MCU: variants seen among roughly 807,000 people sequenced by gnomAD.
MCU encodes the protein calcium uniporter protein, mitochondrial.
MCU carries 12 observed loss-of-function variants against 45.2 expected under a neutral mutation model. The ratio of observed to expected loss-of-function variants is 0.27; its 90% CI spans 0.17 to 0.43. The LOEUF (loss-of-function observed/expected upper bound fraction) is 0.43, where lower values mean the gene tolerates loss of function less well. MCU is among the 20% of genes least tolerant of loss of function. The probability of loss-of-function intolerance (pLI) is 1.00; values close to 1 mark genes in which losing one functional copy is unlikely to be tolerated. For missense variants in MCU, 324 were observed against 436.7 expected, an observed-to-expected ratio of 0.74 and a Z score of 2.30; for synonymous variants, 160 against 165.1, an observed-to-expected ratio of 0.97 and a Z score of 0.24.
chr10:72,774,715 A>C (rs1306660252), intron 1 of MCU, among the ~76,000 whole-genome samples: 2 of 152,186 alleles, frequency 1.3e-5, no homozygotes, highest in East Asian at 3.8e-4. Flanking sequence ...CATTCCATGC[A>C]ACTGGAAACC....
chr10:72,704,018 A>C (rs1842788989), intron 1 of MCU, among the ~76,000 whole-genome samples: 1 of 152,204 alleles, frequency 6.6e-6, no homozygotes, highest in Admixed American at 6.5e-5. Context: ...TTGAGACCTA[A>C]ATTGATTTTA....
chr10:72,726,990 A>T (rs113919376), intron 1 of MCU, among the ~76,000 whole-genome samples: 2,059 of 152,338 alleles, frequency 0.014, 37 homozygotes, highest in African/African-American at 0.047. Context: ...ATTCTAATAG[A>T]CTAGAAGGTA....
intron 2 of MCU, among the ~76,000 whole-genome samples, chr10:72,836,092 G>A (rs1844952026): frequency 6.6e-6 from 1 of 151,834 alleles, no homozygotes; most frequent in African/African-American, 2.4e-5. Context: ...CATTACCACT[G>A]CAGGGTGCCA....
intron 1 of MCU, among the ~76,000 whole-genome samples, chr10:72,743,377 C>T (rs922422881): frequency 3.6e-5 from 5 of 137,132 alleles, no homozygotes; most frequent in African/African-American, 1.1e-4. Context: ...TGTGCCACTA[C>T]ACTCCAGCCT....
At chr10:72,881,628 G>T (rs1422084407) in intron 6 of MCU, among the ~76,000 whole-genome samples, 1 of 152,122 alleles carries the variant, frequency 6.6e-6, no homozygotes, top group Non-Finnish European at 1.5e-5. Flanking sequence ...ACCCTACAAA[G>T]GATCTATATC....
At chr10:72,859,487 C>T in intron 3 of MCU, 140 bp downstream of exon 3, 1 of 652,502 alleles carries the variant, frequency 1.5e-6, no homozygotes, top group African/African-American at 1.8e-5. Flanking sequence ...TTTTGCTTAG[C>T]ACTTACCAGG....
intron 1 of MCU, among the ~76,000 whole-genome samples, chr10:72,777,127 T>TTGA (rs1843907174): frequency 1.3e-5 from 2 of 152,170 alleles, no homozygotes; most frequent in Admixed American, 1.3e-4. Context: ...ACAGTACTAC[T>TTGA]TGATGTAATT....
intron 1 of MCU, among the ~76,000 whole-genome samples, chr10:72,722,948 G>A (rs1843043963): frequency 6.6e-6 from 1 of 152,172 alleles, no homozygotes; most frequent in Admixed American, 6.6e-5. Context: ...TGTAATCCCA[G>A]CACTTTGGGA....
chr10:72,702,233 A>T (rs1266713092), intron 1 of MCU, among the ~76,000 whole-genome samples: 2 of 151,754 alleles, frequency 1.3e-5, no homozygotes, highest in Non-Finnish European at 2.9e-5. Context: ...CCTGGGCGAC[A>T]GAGCAAAACT....
intron 1 of MCU, among the ~76,000 whole-genome samples, chr10:72,804,253 A>T (rs1468264817): frequency 2.7e-5 from 4 of 150,134 alleles, no homozygotes; most frequent in South Asian, 4.2e-4. Context: ...TATCTGGCAA[A>T]TTTTTTTGTA....
intron 1 of MCU, among the ~76,000 whole-genome samples, chr10:72,795,855 G>A (rs979729038): frequency 5.3e-5 from 8 of 151,902 alleles, no homozygotes; most frequent in Non-Finnish European, 8.8e-5. Flanking sequence ...AAAATTAGCC[G>A]GGTGTGGTGG....
At chr10:72,792,443 G>A (rs1190325602) in intron 1 of MCU, among the ~76,000 whole-genome samples, 1 of 152,132 alleles carries the variant, frequency 6.6e-6, no homozygotes, top group African/African-American at 2.4e-5. Context: ...TCCTGGGGAT[G>A]ACTCCCTCCA....
intron 1 of MCU, among the ~76,000 whole-genome samples, chr10:72,758,417 AT>A (rs1165315048): frequency 2.0e-5 from 3 of 152,228 alleles, no homozygotes; most frequent in Non-Finnish European, 4.4e-5. Flanking sequence ...CCTCTGTGCT[AT>A]ATCATGTCCA....
intron 1 of MCU, chr10:72,766,951 T>G (rs1184001060): frequency 6.6e-6 from 1 of 152,202 alleles, no homozygotes; most frequent in Non-Finnish European, 1.5e-5. Context: ...TAAAATCAAC[T>G]TTAACGAATT....
chr10:72,817,161 A>G lies in MCU; in HGVS notation c.151-17198A>G, dbSNP rs557120234. ...ATAAGACCTCTATATTGTAAAGCAA[A>G]TACCCTATATCTATGTATATTTCAA... On this transcript the variant is annotated intron_variant, in intron 1 of 7. Transcript: ENST00000373053. 7.2e-5 allele frequency among the ~76,000 whole-genome samples: 11 copies of G among 152,294 alleles called. 1 individual carries two copies. The South Asian group carries it at 2.3e-3, about 32-fold the overall frequency.
At chr10:72,720,664 TCTA>T (rs1261707135) in intron 1 of MCU, among the ~76,000 whole-genome samples, 1 of 152,228 alleles carries the variant, frequency 6.6e-6, no homozygotes, top group Non-Finnish European at 1.5e-5. Flanking sequence ...TTGTGTTGAA[TCTA>T]TCTTTTTATA....
At chr10:72,704,713 T>C (rs1346003692) in intron 1 of MCU, among the ~76,000 whole-genome samples, 7 of 138,592 alleles carry the variant, frequency 5.1e-5, no homozygotes, top group Non-Finnish European at 7.8e-5. Context: ...AATTTTTTTT[T>C]TTTTTTTTTT....
Position 72,886,635 on chromosome 10 carries a change from A to G in MCU, c.*813A>G, listed in dbSNP as rs1302762394. Reference sequence around the variant, plus strand: ...CCTCTCCCTCCAGAACACAAATCAGAGGGAAAGGGGGTGTTCAGCTGTACT... The same window carrying G: ...CCTCTCCCTCCAGAACACAAATCAGGGGGAAAGGGGGTGTTCAGCTGTACT... On this transcript the variant is annotated 3_prime_UTR_variant, in exon 8 of 8. Transcript: ENST00000373053. 2 of 152,274 alleles carry G rather than the reference A, an allele frequency of 1.3e-5. No homozygotes were observed. Among genetic ancestry groups the G allele is most frequent in the African/African-American group, 4.8e-5 (2 of 41,420 alleles). The allele number at this position is 152,274 out of a possible 1,614,324, so 9.4% of individuals were successfully genotyped here. A position where few individuals can be genotyped will look rare whatever the true frequency, so the allele number is the denominator to read the frequency against.
chr10:72,835,797 A>G (rs893696899), intron 2 of MCU, among the ~76,000 whole-genome samples: 10 of 152,232 alleles, frequency 6.6e-5, no homozygotes, highest in Admixed American at 3.3e-4. Context: ...CAATTAATGT[A>G]TAAGTTAAAA....
Sources: allele counts gnomAD v4.1 joint callset (sites outside exome capture counted in the v4.1 genomes callset), GRCh38; gene constraint gnomAD v4.1.1; transcripts MANE v1.5; gene names NCBI Gene and HGNC (gene_info 2026-07-23, HGNC 2026-07-21).